BMPR2: variants seen among roughly 807,000 people sequenced by gnomAD.
The protein encoded by BMPR2 is bone morphogenetic protein receptor type-2.
Under a neutral mutation model 100.8 loss-of-function variants are expected in BMPR2, and 29 were observed. The ratio of observed to expected loss-of-function variants is 0.29; its 90% CI spans 0.21 to 0.39. The LOEUF (loss-of-function observed/expected upper bound fraction) is 0.39. Among genes scored for constraint, BMPR2 ranks in the 10% least tolerant of loss-of-function variants. The probability of loss-of-function intolerance (pLI) is 1.00; values close to 1 mark genes in which losing one functional copy is unlikely to be tolerated. For synonymous variants in BMPR2, 382 were observed against 442.3 expected, an observed-to-expected ratio of 0.86 and a Z score of 1.71; for missense variants, 1,011 against 1,274.5, an observed-to-expected ratio of 0.79 and a Z score of 3.15.
chr2:202,525,437 G>A (rs1013573592), intron 7 of BMPR2, among the ~76,000 whole-genome samples: 8 of 151,926 alleles, frequency 5.3e-5, no homozygotes, highest in Non-Finnish European at 7.4e-5. Context: ...CCTCAGGTGA[G>A]CCGCCCACCT....
Position 202,546,903 on chromosome 2 carries a change from G to GTGTTTTGTTT in BMPR2, c.1413+4498_1413+4507dup, listed in dbSNP as rs112692454. Reference sequence around the variant, plus strand: ...AGACATGAGCCACCGTGCCCAGCCGGTGTTTTGTTTTGTTTTGTTTTGTTT... The same window carrying GTGTTTTGTTT: ...AGACATGAGCCACCGTGCCCAGCCGGTGTTTTGTTTTGTTTTGTTTTGTTTTGTTTTGTTT... On this transcript the variant is annotated intron_variant, in intron 10 of 12. Coordinates refer to ENST00000374580, the MANE Select transcript of BMPR2 (RefSeq NM_001204.7). 6.3e-3 allele frequency among the ~76,000 whole-genome samples: 897 copies of GTGTTTTGTTT among 141,846 alleles called. 11 individuals carry two copies. The highest frequency in any genetic ancestry group is 0.02 in the African/African-American group (773 of 37,906). 93.1% of individuals were successfully genotyped at this position (141,846 alleles called of 152,430 possible). A position where few individuals can be genotyped will look rare whatever the true frequency, so the allele number is the denominator to read the frequency against.
At chr2:202,514,696 T>C (rs1244785027) in intron 4 of BMPR2, among the ~76,000 whole-genome samples, 192 bp from the exon 5 acceptor site, 1 of 152,258 alleles carries the variant, frequency 6.6e-6, no homozygotes, top group Admixed American at 6.5e-5. Flanking sequence ...GCTTTCATGC[T>C]ATTCTGCATT....
chr2:202,422,292 T>C (rs569829041), intron 1 of BMPR2, among the ~76,000 whole-genome samples: 1 of 152,150 alleles, frequency 6.6e-6, no homozygotes, highest in South Asian at 2.1e-4. Flanking sequence ...TGATTCAAAG[T>C]ACTCATCATA....
Position 202,534,895 on chromosome 2 carries a change from C to T in BMPR2, c.1276+2163C>T, listed in dbSNP as rs544529592. 3.4e-5 allele frequency among the ~76,000 whole-genome samples: 5 copies of T among 147,076 alleles called. No individual in the cohort carries two copies. The South Asian group carries it at 6.4e-4, about 19-fold the overall frequency. On this transcript the variant is annotated intron_variant, in intron 9 of 12. Transcript: ENST00000374580. ...CTCCCGGACGGGGCGGCTGGCCGGG[C>T]GGGGGGCTGACCCCCCCACCTCCCT... is the stretch of plus-strand genomic sequence containing the variant.
In BMPR2 at chr2:202,393,876, A is replaced by AGAGAGC. The variant is rs1194839507; in HGVS notation, c.76+16332_76+16337dup. Among the ~76,000 whole-genome samples, 158 of 122,750 alleles carry AGAGAGC rather than the reference A, an allele frequency of 1.3e-3. 2 individuals are homozygous for AGAGAGC. The highest frequency in any genetic ancestry group is 4.8e-3 in the African/African-American group (142 of 29,888). The allele number at this position is 122,750 out of a possible 152,430, so 80.5% of individuals were successfully genotyped here. Reference sequence around the variant, plus strand: ...AAGATGGCATCTAATTAAGGTAATGAGAGAGCGAGAGAGAGAGAGAGAGAG... The same window carrying AGAGAGC: ...AAGATGGCATCTAATTAAGGTAATGAGAGAGCGAGAGCGAGAGAGAGAGAGAGAGAG... On this transcript the variant is annotated intron_variant, in intron 1 of 12. Transcript: ENST00000374580.
chr2:202,502,504 A>G (rs1428178753), intron 3 of BMPR2, among the ~76,000 whole-genome samples: 2 of 151,874 alleles, frequency 1.3e-5, no homozygotes, highest in Admixed American at 1.3e-4. Flanking sequence ...AAGAAAAAAC[A>G]GTATACCCTA....
intron 1 of BMPR2, among the ~76,000 whole-genome samples, chr2:202,426,442 G>A (rs923001512): frequency 4.0e-5 from 6 of 151,866 alleles, no homozygotes; most frequent in South Asian, 2.1e-4. Flanking sequence ...TTAGGCAGGC[G>A]TGGTGGCGGG....
chr2:202,558,017 A>C (rs1352315566), intron 12 of BMPR2, among the ~76,000 whole-genome samples: 1 of 152,106 alleles, frequency 6.6e-6, no homozygotes, highest in African/African-American at 2.4e-5. Flanking sequence ...TTTTGGGAAA[A>C]TTACTATAAA....
chr2:202,449,216 G>A (rs1294597293), intron 1 of BMPR2, among the ~76,000 whole-genome samples: 1 of 151,934 alleles, frequency 6.6e-6, no homozygotes, highest in African/African-American at 2.4e-5. Flanking sequence ...GCTGAGGCAG[G>A]AGAATCGCTT....
rs1574438309 is a variant in BMPR2 at position 202,419,553 on chromosome 2, C to T, written c.76+42003C>T. On this transcript the variant is annotated intron_variant, in intron 1 of 12. Coordinates refer to ENST00000374580, the MANE Select transcript of BMPR2 (RefSeq NM_001204.7). ...TGTATTTTTAGTAGAGATGGGGTTT[C>T]AGCATCTTGGCCAGGCTGGTCTTGA... Among the ~76,000 whole-genome samples, 2 of 152,128 alleles carry T rather than the reference C, an allele frequency of 1.3e-5. 1 individual carries two copies. Among genetic ancestry groups the T allele is most frequent in the South Asian group, 4.2e-4 (2 of 4,818 alleles).
intron 9 of BMPR2, among the ~76,000 whole-genome samples, chr2:202,533,677 G>C (rs774027582): frequency 5.7e-4 from 87 of 152,228 alleles, no homozygotes; most frequent in Middle Eastern, 3.4e-3. Flanking sequence ...ACAAAAATTA[G>C]CCAGGCGTGG....
chr2:202,401,078 T>G (rs1456334871), intron 1 of BMPR2, among the ~76,000 whole-genome samples: 1 of 152,244 alleles, frequency 6.6e-6, no homozygotes, highest in Non-Finnish European at 1.5e-5. Context: ...TCTTATTATC[T>G]AAGCCAGGCA....
intron 1 of BMPR2, among the ~76,000 whole-genome samples, chr2:202,450,651 A>G (rs963007173): frequency 1.4e-5 from 2 of 147,602 alleles, no homozygotes; most frequent in East Asian, 2.0e-4. Context: ...AGATCATGCC[A>G]TTGCACTTCA....
intron 1 of BMPR2, among the ~76,000 whole-genome samples, chr2:202,390,779 G>T (rs938712603): frequency 1.3e-5 from 2 of 151,900 alleles, no homozygotes; most frequent in African/African-American, 2.4e-5. Flanking sequence ...TCAGCCAGTT[G>T]TATTTCTCTG....
chr2:202,504,678 C>G (rs935977314), intron 3 of BMPR2, among the ~76,000 whole-genome samples: 1 of 112,474 alleles, frequency 8.9e-6, no homozygotes, highest in Admixed American at 9.6e-5. Flanking sequence ...ATAGTAGATT[C>G]TTTTTTTTTT....
intron 9 of BMPR2, among the ~76,000 whole-genome samples, chr2:202,534,550 C>T (rs1195979840): frequency 6.6e-6 from 1 of 152,144 alleles, no homozygotes; most frequent in East Asian, 1.9e-4. Context: ...GGACACAGCA[C>T]ATGTTTCAGA....
Position 202,514,787 on chromosome 2 carries a change from T to C in BMPR2, c.530-101T>C, listed in dbSNP as rs1360561005. 5 of 953,668 alleles carry C rather than the reference T, an allele frequency of 5.2e-6. No homozygotes were observed. The Admixed American group carries it at 1.0e-4, about 19-fold the overall frequency. The allele number at this position is 953,668 out of a possible 1,614,324, so 59.1% of individuals were successfully genotyped here. A position where few individuals can be genotyped will look rare whatever the true frequency, so the allele number is the denominator to read the frequency against. On this transcript the variant is annotated intron_variant, in intron 4 of 12. Coordinates refer to ENST00000374580, the MANE Select transcript of BMPR2 (RefSeq NM_001204.7). The stretch of plus-strand genomic sequence containing the variant: ...TTAGGCATAAATCTTGCTGCTAATC[T>C]TTCTGCAGCTCTTCTTTTTAAGTGT...
chr2:202,482,069 AATCAT>A lies in BMPR2; in HGVS notation c.418+14388_418+14392del, dbSNP rs557260996. Among the ~76,000 whole-genome samples the A allele has an allele frequency of 2.3e-3, 357 of 152,338 alleles. 1 individual carries two copies. Among genetic ancestry groups the A allele is most frequent in the African/African-American group, 8.2e-3 (342 of 41,576 alleles). ...TACTCTAAGTATATCATATAAGTAGAATCATATCATATTTGTCTTTTTGCAACTAG... is the reference window on the plus strand; with the variant it reads ...TACTCTAAGTATATCATATAAGTAGAATCATATTTGTCTTTTTGCAACTAG... On this transcript the variant is annotated intron_variant, in intron 3 of 12. Transcript: ENST00000374580.
Position 202,376,737 on chromosome 2 carries a change from C to T in BMPR2, c.-738C>T, listed in dbSNP as rs1032275469. Among the ~76,000 whole-genome samples, 1 of 150,768 alleles carries T rather than the reference C, an allele frequency of 6.6e-6. No individual in the cohort carries two copies. Among genetic ancestry groups the T allele is most frequent in the Non-Finnish European group, 1.5e-5 (1 of 67,718 alleles). ...CTCACACCCACTCCGCCTGCCGTCT[C>T]GGGGAGCCCGGACCGGGGCCGCGAC... On this transcript the variant is annotated 5_prime_UTR_variant, in exon 1 of 13. Transcript: ENST00000374580.
Sources: gnomAD v4.1 joint callset for allele counts (sites outside exome capture counted in the v4.1 genomes callset) on GRCh38, gnomAD v4.1.1 for gene constraint, MANE v1.5 for transcripts, NCBI Gene and HGNC (gene_info 2026-07-23, HGNC 2026-07-21) for gene names.